B3GAT1: variants seen among roughly 807,000 people sequenced by gnomAD.
The protein encoded by B3GAT1 is galactosylgalactosylxylosylprotein 3-beta-glucuronosyltransferase 1.
A neutral mutation model predicts 28.4 loss-of-function variants in B3GAT1; 11 were observed. The observed-to-expected ratio is 0.39, with a 90% confidence interval of 0.24 to 0.64. B3GAT1 has a LOEUF of 0.64. Ranked by LOEUF, B3GAT1 falls within the 30% of genes least tolerant of loss-of-function variation. B3GAT1 has a pLI of 0.50. For missense variants in B3GAT1, 375 were observed against 491.0 expected, an observed-to-expected ratio of 0.76 and a Z score of 2.23; for synonymous variants, 255 against 223.1, an observed-to-expected ratio of 1.14 and a Z score of -1.27.
chr11:134,398,318 G>T (rs192740260), intron 1 of B3GAT1, among the ~76,000 whole-genome samples: 1 of 152,328 alleles, frequency 6.6e-6, no homozygotes, highest in Admixed American at 6.5e-5. Flanking sequence ...AAATAAGAGA[G>T]TAGCTCACGT....
At chr11:134,409,934 C>G (rs951119633) in intron 1 of B3GAT1, 1 of 152,670 alleles carries the variant, frequency 6.6e-6, no homozygotes, top group African/African-American at 2.4e-5. Flanking sequence ...ATGCTCCTGT[C>G]CGCTCAGCCT....
chr11:134,389,090 C>T (rs1056270330), intron 1 of B3GAT1: 1 of 152,224 alleles, frequency 6.6e-6, no homozygotes, highest in African/African-American at 2.4e-5. Flanking sequence ...TACGTGTTGC[C>T]TTTTCTCTGC....
intron 1 of B3GAT1, among the ~76,000 whole-genome samples, chr11:134,396,271 G>A (rs1193418900): frequency 6.6e-6 from 1 of 152,164 alleles, no homozygotes; most frequent in East Asian, 1.9e-4. Context: ...ATACCTGAGA[G>A]TCTGTCCCCC....
chr11:134,383,097 C>CGA, intron 3 of B3GAT1, 91 bp from the exon 4 acceptor site: 1 of 1,384,264 alleles, frequency 7.2e-7, no homozygotes, highest in South Asian at 1.4e-5. Flanking sequence ...TCAGCCACCT[C>CGA]TATCTATGCC....
At chr11:134,388,322 C>T in intron 1 of B3GAT1, 1 of 191,124 alleles carries the variant, frequency 5.2e-6, no homozygotes. Context: ...CTCATAAGGT[C>T]ATTCTCAGAA....
In B3GAT1 at chr11:134,384,098, C is replaced by G; in HGVS notation, c.203G>C (p.Arg68Pro). ...TSDRDIVEVV[R>P]TEYVYTRPPP... is the part of the protein sequence containing the mutation. ...GGGCCGCGTGTACACGTACTCGGTGCGCACCACCTCCACGATGTCGCGGTC... is the reference window on the plus strand; with the variant it reads ...GGGCCGCGTGTACACGTACTCGGTGGGCACCACCTCCACGATGTCGCGGTC... Residue 68 changes from arginine to proline, a missense_variant, in exon 3 of 6, where the codon CGC becomes CCC. By Grantham distance (103) the Arg-to-Pro change is moderately radical (BLOSUM62 -2). Transcript: ENST00000312527. 2 of 1,592,448 alleles carry G rather than the reference C, an allele frequency of 1.3e-6. No homozygotes were observed. The highest frequency in any genetic ancestry group is 1.7e-6 in the Non-Finnish European group (2 of 1,170,590).
rs1388161974 is a variant in B3GAT1 at position 134,411,649 on chromosome 11, G to A, written c.-282+158C>T. On this transcript the variant is annotated intron_variant, in intron 1 of 5. Transcript: ENST00000312527. This position sits in a 1 kb window ranked among gnomAD's most constrained non-coding sequence, Gnocchi z 6.0. ...AGCTCGGTTCTCGGCCCCCTTTCCA[G>A]CTGCCCCCAGCGCGCGCAGCGCACA... Among the ~76,000 whole-genome samples, 1 of 150,106 alleles carries A rather than the reference G, an allele frequency of 6.7e-6. No homozygotes were observed. Among genetic ancestry groups the A allele is most frequent in the Non-Finnish European group, 1.5e-5 (1 of 67,658 alleles).
In B3GAT1 at chr11:134,411,141, C is replaced by T. The variant is rs1384201037; in HGVS notation, c.-282+666G>A. Among the ~76,000 whole-genome samples, 2 of 152,178 alleles carry T rather than the reference C, an allele frequency of 1.3e-5. No homozygotes were observed. Among genetic ancestry groups the T allele is most frequent in the East Asian group, 1.9e-4 (1 of 5,184 alleles). Reference sequence around the variant, plus strand: ...ACCTGGTGGCTTCCTTCTCTATTTCCTGCCTCAACTCTCAGCCTCCTTTTT... The same window carrying T: ...ACCTGGTGGCTTCCTTCTCTATTTCTTGCCTCAACTCTCAGCCTCCTTTTT... On this transcript the variant is annotated intron_variant, in intron 1 of 5. Transcript: ENST00000312527. The surrounding 1 kb of genome is among the most constrained non-coding windows in gnomAD (Gnocchi z 6.0).
intron 1 of B3GAT1, among the ~76,000 whole-genome samples, chr11:134,399,962 G>A (rs1944578048): frequency 6.6e-6 from 1 of 152,230 alleles, no homozygotes; most frequent in Admixed American, 6.5e-5. Context: ...CTGTGAGCAA[G>A]GTGGGGACAT....
chr11:134,405,295 G>A (rs1944710559), intron 1 of B3GAT1, among the ~76,000 whole-genome samples: 1 of 152,128 alleles, frequency 6.6e-6, no homozygotes. Flanking sequence ...ATCAGCTACG[G>A]GGACCCAGAG....
chr11:134,387,979 G>T, intron 1 of B3GAT1, 39 bp from the exon 2 acceptor site: 1 of 831,136 alleles, frequency 1.2e-6, no homozygotes, highest in Non-Finnish European at 1.8e-6. Context: ...AGAGACCCAG[G>T]TATAGGAATG....
chr11:134,387,730 GGGCGGC>G lies in B3GAT1; in HGVS notation c.-77_-72del, dbSNP rs1565452002. 1 of 1,597,622 alleles carries G rather than the reference GGGCGGC, an allele frequency of 6.3e-7. No homozygotes were observed. Among genetic ancestry groups the G allele is most frequent in the South Asian group, 1.1e-5 (1 of 89,144 alleles). ...GTAAGTTCAGGAGAGGGGCGGCCAC[GGGCGGC>G]GGCAGCACAGGGGAGAAAAGAACAG... On this transcript the variant is annotated 5_prime_UTR_variant, in exon 2 of 6. Transcript: ENST00000312527.
chr11:134,382,754 C>T lies in B3GAT1; in HGVS notation c.874G>A (p.Val292Ile). The T allele has an allele frequency of 6.2e-7, 1 of 1,614,108 alleles. No individual in the cohort carries two copies. Among genetic ancestry groups the T allele is most frequent in the Non-Finnish European group, 8.5e-7 (1 of 1,179,980 alleles). ...TTGGGCTCCAGGTCGTTGAGGGTGA[C>T]AAGTTCTCGAAGGAGGCTGCTTTCC... is the stretch of plus-strand genomic sequence containing the variant. ...YQESSLLREL[V>I]TLNDLEPKAA... The change falls in exon 4 of 6, where the codon GTC becomes ATC. Residue 292 changes from valine (V) to isoleucine (I), a missense_variant. Physicochemically the swap from Val to Ile is conservative, Grantham distance 29 (BLOSUM62 3). Coordinates refer to ENST00000312527, the MANE Select transcript of B3GAT1 (RefSeq NM_054025.3).
rs1010106356 is a variant in B3GAT1 at position 134,381,969 on chromosome 11, T to A, written c.974A>T (p.Lys325Met). 1 of 1,614,042 alleles carries A rather than the reference T, an allele frequency of 6.2e-7. No individual in the cohort carries two copies. The highest frequency in any genetic ancestry group is 1.3e-5 in the African/African-American group (1 of 74,938). Residue 325 changes from lysine (K) to methionine (M), a missense_variant, in exon 5 of 6, where the codon AAG (lysine) becomes ATG (methionine). Transcript: ENST00000312527. ...CTCCACCGAGGGGTCAGTGAAGCCC[T>A]TCTTGCCCTCATTCACCAGCACTGG... ...EKPVLVNEGK[K>M]GFTDPSVEI
At chr11:134,387,098 T>C in intron 2 of B3GAT1, 1 of 187,618 alleles carries the variant, frequency 5.3e-6, no homozygotes, top group Non-Finnish European at 1.1e-5. Flanking sequence ...TTCTTCAGAC[T>C]ATGCAATTCT....
chr11:134,382,142 T>G lies in B3GAT1; in HGVS notation c.919-118A>C, dbSNP rs1045888534. The G allele has an allele frequency of 1.2e-5, 9 of 779,598 alleles. No individual in the cohort carries two copies. The African/African-American group carries it at 1.4e-4, about 12-fold the overall frequency. 48.3% of individuals were successfully genotyped at this position (779,598 alleles called of 1,614,324 possible). A position where few individuals can be genotyped will look rare whatever the true frequency, so the allele number is the denominator to read the frequency against. On this transcript the variant is annotated intron_variant, in intron 4 of 5. Coordinates refer to ENST00000312527, the MANE Select transcript of B3GAT1 (RefSeq NM_054025.3). ...CCTGCCCCTCCTTTTCCTTCGAGAG[T>G]TTTTCAATTGTTCCATCAAGATTTT...
At chr11:134,388,876 T>G (rs1024212508) in intron 1 of B3GAT1, 1 of 152,268 alleles carries the variant, frequency 6.6e-6, no homozygotes, top group Non-Finnish European at 1.5e-5. Flanking sequence ...CCTAGATTGA[T>G]TCCATGCCTT....
At chr11:134,382,560 C>T in intron 4 of B3GAT1, 150 bp downstream of exon 4, 3 of 965,826 alleles carry the variant, frequency 3.1e-6, no homozygotes, top group Non-Finnish European at 4.5e-6. Flanking sequence ...AGTGTCGCTG[C>T]CTTACAGGTG....
Position 134,378,567 on chromosome 11 carries a change from A to C in B3GAT1, c.*2195T>G, listed in dbSNP as rs946548464. 3 of 152,262 alleles carry C rather than the reference A, an allele frequency of 2.0e-5. No individual in the cohort carries two copies. The highest frequency in any genetic ancestry group is 7.2e-5 in the African/African-American group (3 of 41,464). The allele number at this position is 152,262 out of a possible 1,614,324, so 9.4% of individuals were successfully genotyped here. ...AAAGCAAATTAAATACAGTTAAATT[A>C]AAACAGACCAGATGCAGCTGCCTGG... On this transcript the variant is annotated 3_prime_UTR_variant, in exon 6 of 6. Coordinates refer to ENST00000312527, the MANE Select transcript of B3GAT1 (RefSeq NM_054025.3).
Sources: allele counts gnomAD v4.1 joint callset (sites outside exome capture counted in the v4.1 genomes callset), GRCh38; gene constraint gnomAD v4.1.1; non-coding constraint Gnocchi (gnomAD v3.1); transcripts MANE v1.5; gene names NCBI Gene and HGNC (gene_info 2026-07-23, HGNC 2026-07-21).